ZNF536: variants seen among roughly 807,000 people sequenced by gnomAD.
The protein encoded by ZNF536 is zinc finger protein 536.
In ZNF536, 13 loss-of-function variants were observed where a neutral mutation model predicts 84.5. That is an observed-to-expected ratio of 0.15 (90% CI 0.10 to 0.24). The LOEUF (loss-of-function observed/expected upper bound fraction) is 0.24. Ranked by LOEUF, ZNF536 falls within the 10% of genes least tolerant of loss-of-function variation. The probability of loss-of-function intolerance (pLI) is 1.00; values close to 1 mark genes in which losing one functional copy is unlikely to be tolerated. For synonymous variants in ZNF536, 811 were observed against 742.5 expected, an observed-to-expected ratio of 1.09 and a Z score of -1.50; for missense variants, 1,536 against 1,747.5, an observed-to-expected ratio of 0.88 and a Z score of 2.16.
chr19:30,431,442 G>A (rs1568421220), intron 1 of ZNF536, among the ~76,000 whole-genome samples: 1 of 152,180 alleles, frequency 6.6e-6, no homozygotes, highest in East Asian at 1.9e-4. Flanking sequence ...TAATGATCGT[G>A]CTTACTTACC....
chr19:30,461,054 G>A (rs768634408), intron 2 of ZNF536, among the ~76,000 whole-genome samples: 3 of 152,168 alleles, frequency 2.0e-5, no homozygotes, highest in Non-Finnish European at 4.4e-5. Context: ...GAGGGGTTGG[G>A]CATAGGGTGA....
chr19:30,631,219 C>T (rs2048876155), intron 1 of ZNF536, among the ~76,000 whole-genome samples: 1 of 152,220 alleles, frequency 6.6e-6, no homozygotes, highest in African/African-American at 2.4e-5. Flanking sequence ...AGGTGCAAGC[C>T]CCACACCGGA....
intron 1 of ZNF536, among the ~76,000 whole-genome samples, chr19:30,266,225 T>G (rs1380927914): frequency 6.6e-6 from 1 of 152,178 alleles, no homozygotes; most frequent in Non-Finnish European, 1.5e-5. Flanking sequence ...ATTTTTAATT[T>G]TTTTTGTAGA....
At chr19:30,233,433 C>G (rs536855884) in intron 1 of ZNF536, among the ~76,000 whole-genome samples, 2 of 151,936 alleles carry the variant, frequency 1.3e-5, no homozygotes, top group South Asian at 4.2e-4. Context: ...TAGCCTCGTC[C>G]TGGGTTCAAG....
At chr19:30,430,058 T>C (rs1001991435) in intron 1 of ZNF536, among the ~76,000 whole-genome samples, 5 of 151,604 alleles carry the variant, frequency 3.3e-5, no homozygotes, top group African/African-American at 1.2e-4. Context: ...GGGGAGGGGA[T>C]TGGGAGTGGC....
intron 1 of ZNF536, among the ~76,000 whole-genome samples, chr19:30,575,579 G>A (rs960927917): frequency 2.6e-5 from 4 of 152,184 alleles, no homozygotes; most frequent in Non-Finnish European, 5.9e-5. Context: ...GAGACCCAGC[G>A]GTCCAGAAAG....
chr19:30,244,530 C>G (rs1275409620), intron 1 of ZNF536, among the ~76,000 whole-genome samples: 1 of 152,198 alleles, frequency 6.6e-6, no homozygotes, highest in East Asian at 1.9e-4. Flanking sequence ...TATTTATCAT[C>G]CTGTGAACTC....
rs531505718 is a variant in ZNF536, at chr19:30,496,093, G to A, written c.2171-38754G>A. Among the ~76,000 whole-genome samples the A allele has an allele frequency of 3.6e-4, 55 of 152,258 alleles. 1 individual carries two copies. The highest frequency in any genetic ancestry group is 1.2e-3 in the African/African-American group (48 of 41,542). The stretch of plus-strand genomic sequence containing the variant: ...TTGAAGGAATGTCCACTCTCCGGGC[G>A]TTCCTGGGGAATCTGGTCTCCAGGT... On this transcript the variant is annotated intron_variant, in intron 2 of 4. Coordinates refer to ENST00000355537, the MANE Select transcript of ZNF536 (RefSeq NM_014717.3).
At chr19:30,285,719 T>C (rs187191102) in intron 2 of ZNF536, among the ~76,000 whole-genome samples, 13 of 152,274 alleles carry the variant, frequency 8.5e-5, no homozygotes, top group Admixed American at 7.8e-4. Context: ...ATTATTGAAA[T>C]TTTGGACTGG....
At chr19:30,290,668 T>C (rs1052619913) in intron 2 of ZNF536, among the ~76,000 whole-genome samples, 2 of 152,182 alleles carry the variant, frequency 1.3e-5, no homozygotes, top group South Asian at 4.1e-4. Context: ...TGGGTTTATA[T>C]GTTTCTTTTT....
At chr19:30,470,514 G>A (rs1212137629) in intron 2 of ZNF536, among the ~76,000 whole-genome samples, 1 of 149,242 alleles carries the variant, frequency 6.7e-6, no homozygotes, top group Admixed American at 6.7e-5. Flanking sequence ...TTTAAGAGAA[G>A]TTTCAGATTT....
intron 2 of ZNF536, among the ~76,000 whole-genome samples, chr19:30,336,269 C>T (rs2047381744): frequency 6.6e-6 from 1 of 152,166 alleles, no homozygotes; most frequent in South Asian, 2.1e-4. Context: ...AAGTTGCCCT[C>T]CAGGAAGGCA....
intron 1 of ZNF536, among the ~76,000 whole-genome samples, chr19:30,232,363 G>A (rs927104080): frequency 2.0e-5 from 3 of 152,080 alleles, no homozygotes; most frequent in African/African-American, 7.2e-5. Context: ...CTGAGGTCTG[G>A]GGTACAATGC....
intron 1 of ZNF536, among the ~76,000 whole-genome samples, chr19:30,700,108 TCCTC>T (rs1045786422): frequency 6.2e-5 from 9 of 145,252 alleles, no homozygotes; most frequent in East Asian, 2.1e-4. Flanking sequence ...CTTCCTTTCT[TCCTC>T]CCTCCCTCCC....
chr19:30,446,491 C>A (rs914987175), intron 2 of ZNF536, among the ~76,000 whole-genome samples: 1 of 151,950 alleles, frequency 6.6e-6, no homozygotes, highest in Non-Finnish European at 1.5e-5. Context: ...TCTTTCTCTC[C>A]CCCTTAGCGT....
chr19:30,697,222 T>TC (rs2147956803), intron 1 of ZNF536, among the ~76,000 whole-genome samples: 1 of 152,016 alleles, frequency 6.6e-6, no homozygotes, highest in South Asian at 2.1e-4. Context: ...GGGGAAATGG[T>TC]CCCCATGATC....
intron 1 of ZNF536, among the ~76,000 whole-genome samples, chr19:30,229,356 A>G (rs531153026): frequency 1.3e-5 from 2 of 152,184 alleles, no homozygotes; most frequent in Non-Finnish European, 2.9e-5. Context: ...CATTTATAAA[A>G]TACCAACCCT....
rs34039352 is a variant in ZNF536, at chr19:30,450,075, ATTT to A, written c.2170+4358_2170+4360del. 2.3e-3 allele frequency among the ~76,000 whole-genome samples: 298 copies of A among 131,840 alleles called. 4 individuals carry two copies. Among genetic ancestry groups the A allele is most frequent in the African/African-American group, 8.1e-3 (285 of 35,342 alleles). The allele number at this position is 131,840 out of a possible 152,430, so 86.5% of individuals were successfully genotyped here. A position where few individuals can be genotyped will look rare whatever the true frequency, so the allele number is the denominator to read the frequency against. ...TTTGAGTTTGAGGATTAAGATCTTC[ATTT>A]TTTTTTTTTTTTTTGCTTGTGCATT... On this transcript the variant is annotated intron_variant, in intron 2 of 4. Coordinates refer to ENST00000355537, the MANE Select transcript of ZNF536 (RefSeq NM_014717.3).
chr19:30,452,672 G>C, intron 2 of ZNF536, among the ~76,000 whole-genome samples: 1 of 152,266 alleles, frequency 6.6e-6, no homozygotes, highest in East Asian at 1.9e-4. Flanking sequence ...TCCTTTACCC[G>C]TAGAGCTGTT....
Sources: gnomAD v4.1 joint callset for allele counts (sites outside exome capture counted in the v4.1 genomes callset) on GRCh38, gnomAD v4.1.1 for gene constraint, MANE v1.5 for transcripts, NCBI Gene and HGNC (gene_info 2026-07-23, HGNC 2026-07-21) for gene names.